Variants in CD163L1 observed in about 807,000 individuals in gnomAD.
The protein encoded by CD163L1 is scavenger receptor cysteine-rich type 1 protein M160.
Under a neutral mutation model 165.4 loss-of-function variants are expected in CD163L1, and 124 were observed. The observed-to-expected ratio is 0.75, with a 90% confidence interval of 0.65 to 0.87. The LOEUF (loss-of-function observed/expected upper bound fraction) is 0.87, where lower values mean the gene tolerates loss of function less well. Among genes scored for constraint, CD163L1 ranks in the 40% least tolerant of loss-of-function variants. The pLI is 0.00. For synonymous variants in CD163L1, 585 were observed against 662.2 expected (o/e 0.88, Z 1.79); for missense variants, 1,525 against 1,799.9 (o/e 0.85, Z 2.76).
the CD163L1 span, chr12:7,326,972 G>A: frequency 6.3e-7 from 1 of 1,594,246 alleles, no homozygotes; most frequent in Non-Finnish European, 8.5e-7. Context: ...CTTTTCTGTT[G>A]CAGGTGGTGA....
At chr12:7,442,675 T>C (rs756053931) in intron 1 of CD163L1, among the ~76,000 whole-genome samples, 7 of 152,214 alleles carry the variant, frequency 4.6e-5, no homozygotes, top group South Asian at 2.1e-4. Flanking sequence ...AAGTTGGTCT[T>C]CTTTTTTCTC....
At chr12:7,437,131 T>A (rs993222936) in intron 2 of CD163L1, among the ~76,000 whole-genome samples, 2 of 115,134 alleles carry the variant, frequency 1.7e-5, no homozygotes, top group Admixed American at 1.0e-4. Flanking sequence ...TTTTTATTTA[T>A]TTTATTTATT....
At chr12:7,353,619 T>C (rs1946724434), downstream of CD163L1, among the ~76,000 whole-genome samples, 1 of 152,074 alleles carries the variant, frequency 6.6e-6, no homozygotes, top group African/African-American at 2.4e-5. Context: ...GAATAATCTT[T>C]ATTTTATGTA....
intron 1 of CD163L1, among the ~76,000 whole-genome samples, chr12:7,442,325 A>G (rs1212474758): frequency 1.3e-5 from 2 of 152,346 alleles, no homozygotes; most frequent in East Asian, 1.9e-4. Flanking sequence ...AACAGTACCC[A>G]TCGGGGAAAG....
At chr12:7,329,674 A>G in the CD163L1 span, among the ~76,000 whole-genome samples, 2 of 152,098 alleles carry the variant, frequency 1.3e-5, no homozygotes, top group African/African-American at 2.4e-5. Context: ...GGGAAAAGAA[A>G]GCACTCAATT....
At chr12:7,399,754 A>T (rs1947879928) in intron 6 of CD163L1, among the ~76,000 whole-genome samples, 2 of 151,756 alleles carry the variant, frequency 1.3e-5, no homozygotes, top group Admixed American at 6.6e-5. Context: ...ACAGGCTCAC[A>T]CCACCACAGC....
the CD163L1 span, among the ~76,000 whole-genome samples, chr12:7,326,021 T>C: frequency 6.6e-6 from 1 of 152,188 alleles, no homozygotes; most frequent in South Asian, 2.1e-4. Flanking sequence ...TGATTTCAGC[T>C]GAACAGAAGT....
At chr12:7,359,293 A>G (rs1311065686) in intron 18 of CD163L1, among the ~76,000 whole-genome samples, 2 of 152,078 alleles carry the variant, frequency 1.3e-5, no homozygotes, top group African/African-American at 4.8e-5. Context: ...CAAACAAACA[A>G]AAAACCCCGG....
At chr12:7,333,836 C>T in the CD163L1 span, among the ~76,000 whole-genome samples, 1 of 152,154 alleles carries the variant, frequency 6.6e-6, no homozygotes, top group Non-Finnish European at 1.5e-5. Context: ...GAAATACAAA[C>T]TACCATCAGA....
the CD163L1 span, among the ~76,000 whole-genome samples, chr12:7,335,429 T>C: frequency 6.6e-6 from 1 of 152,220 alleles, no homozygotes; most frequent in East Asian, 1.9e-4. Context: ...TGGGAAAAAC[T>C]GGCTAGCCAT....
the CD163L1 span, among the ~76,000 whole-genome samples, chr12:7,334,752 A>C: frequency 1.3e-5 from 2 of 152,234 alleles, no homozygotes; most frequent in Non-Finnish European, 2.9e-5. Context: ...CCATTGTCTC[A>C]GCCCAAAATC....
At chr12:7,332,501 A>T in the CD163L1 span, among the ~76,000 whole-genome samples, 15 of 152,214 alleles carry the variant, frequency 9.9e-5, no homozygotes, top group Non-Finnish European at 2.1e-4. Context: ...CAAAGTTGAA[A>T]TGAGGGAAAA....
At chr12:7,386,640 T>G (rs970080961) in intron 8 of CD163L1, among the ~76,000 whole-genome samples, 22 of 147,756 alleles carry the variant, frequency 1.5e-4, no homozygotes, top group African/African-American at 5.5e-4. Flanking sequence ...TCAAGTGGGA[T>G]TTAGTCCAGG....
At chr12:7,395,158 G>A (rs151244412) in intron 8 of CD163L1, among the ~76,000 whole-genome samples, 2,271 of 152,152 alleles carry the variant, frequency 0.015, 69 homozygotes, top group African/African-American at 0.051. Flanking sequence ...TGTTTATTGC[G>A]GCACTATTCA....
At chr12:7,413,388 G>C (rs1448863100) in intron 4 of CD163L1, among the ~76,000 whole-genome samples, 1 of 152,106 alleles carries the variant, frequency 6.6e-6, no homozygotes, top group Admixed American at 6.6e-5. Flanking sequence ...ATAATCTGGG[G>C]ACCATCAGGA....
chr12:7,395,249 GA>G (rs1947748331), intron 8 of CD163L1, among the ~76,000 whole-genome samples: 1 of 152,178 alleles, frequency 6.6e-6, no homozygotes, highest in Admixed American at 6.5e-5. Flanking sequence ...ATACACCATG[GA>G]ATACTATGCA....
chr12:7,368,177 A>G lies in CD163L1; in HGVS notation c.4093T>C (p.Ser1365Pro), dbSNP rs1256685882. ...AGGAGAAGGAGCCCAAAGATACTGG[A>G]TAAAATAAGTGCTAAATGACCTGTA... is the stretch of plus-strand genomic sequence containing the variant. ...ASSGHLALIL[S>P]SIFGLLLLVL... Residue 1365 changes from serine to proline, a missense_variant, in exon 17 of 20, where the codon TCC (serine) becomes CCC (proline). By Grantham distance (74) the Ser-to-Pro change is moderately conservative (BLOSUM62 -1). Transcript: ENST00000313599. This position sits in a 1 kb window ranked among gnomAD's most constrained non-coding sequence, Gnocchi z 4.3. 2 of 1,599,422 alleles carry G rather than the reference A, an allele frequency of 1.3e-6. No individual in the cohort carries two copies. Among genetic ancestry groups the G allele is most frequent in the African/African-American group, 2.7e-5 (2 of 74,436 alleles).
At chr12:7,358,067 C>T (rs1946815471) in intron 18 of CD163L1, among the ~76,000 whole-genome samples, 1 of 152,058 alleles carries the variant, frequency 6.6e-6, no homozygotes, top group South Asian at 2.1e-4. Context: ...TGAAAATCAA[C>T]AACTCTTCTT....
At chr12:7,421,413 G>C (rs866763154) in intron 4 of CD163L1, among the ~76,000 whole-genome samples, 1 of 64,612 alleles carries the variant, frequency 1.5e-5, no homozygotes, top group Non-Finnish European at 2.5e-5. Context: ...TCTTCCAAAT[G>C]TATATATACA....
Sources: allele counts gnomAD v4.1 joint callset (sites outside exome capture counted in the v4.1 genomes callset), GRCh38; gene constraint gnomAD v4.1.1; non-coding constraint Gnocchi (gnomAD v3.1); transcripts MANE v1.5; gene names NCBI Gene and HGNC (gene_info 2026-07-23, HGNC 2026-07-21).